Variants in KDM4C observed in about 807,000 individuals in gnomAD.
KDM4C encodes the protein lysine demethylase 4C.
A neutral mutation model predicts 129.3 loss-of-function variants in KDM4C; 81 were observed. That is an observed-to-expected ratio of 0.63 (90% confidence interval 0.52 to 0.75). The LOEUF (loss-of-function observed/expected upper bound fraction) is 0.75, where lower values mean the gene tolerates loss of function less well. Among genes scored for constraint, KDM4C ranks in the 30% least tolerant of loss-of-function variants. The pLI, the probability that KDM4C is intolerant of heterozygous loss-of-function variation, is 0.00. For synonymous variants in KDM4C, 573 were observed against 456.1 expected (o/e 1.26, Z -3.26); for missense variants, 1,457 against 1,304.0 (o/e 1.12, Z -1.81).
intron 19 of KDM4C, among the ~76,000 whole-genome samples, chr9:7,142,423 T>C (rs574236255): frequency 8.5e-5 from 13 of 152,324 alleles, no homozygotes; most frequent in African/African-American, 2.9e-4. Context: ...CTAGTTTCCC[T>C]TTCTATTCAG....
chr9:6,874,022 C>G (rs565850729), intron 5 of KDM4C, among the ~76,000 whole-genome samples: 1 of 151,964 alleles, frequency 6.6e-6, no homozygotes, highest in Non-Finnish European at 1.5e-5. Context: ...ATTATGTTCA[C>G]GCTCTTATGT....
chr9:6,956,350 C>A (rs1383928882), intron 8 of KDM4C, among the ~76,000 whole-genome samples: 1 of 152,114 alleles, frequency 6.6e-6, no homozygotes, highest in Non-Finnish European at 1.5e-5. Flanking sequence ...TATCAAAACA[C>A]CTTATGTACT....
intron 8 of KDM4C, among the ~76,000 whole-genome samples, chr9:6,953,270 T>G (rs1828504140): frequency 6.6e-6 from 1 of 152,234 alleles, no homozygotes; most frequent in African/African-American, 2.4e-5. Flanking sequence ...GTCTGTGTAT[T>G]TAATCACCAG....
At chr9:6,930,968 C>T (rs956318746) in intron 8 of KDM4C, among the ~76,000 whole-genome samples, 1 of 152,166 alleles carries the variant, frequency 6.6e-6, no homozygotes, top group African/African-American at 2.4e-5. Context: ...ATGGGATCCT[C>T]TGAGTACATG....
intron 15 of KDM4C, among the ~76,000 whole-genome samples, chr9:7,019,115 A>G (rs1224205796): frequency 6.6e-6 from 1 of 152,210 alleles, no homozygotes; most frequent in African/African-American, 2.4e-5. Context: ...AAGTTTAAAT[A>G]TTGTAGAAAA....
chr9:6,826,737 G>A lies in KDM4C; in HGVS notation c.435+11992G>A, dbSNP rs549587800. The stretch of plus-strand genomic sequence containing the variant: ...AAAAAATTAGCCAGGCATGGTGGCA[G>A]GGACCTGTAGTGCCAGCTATTGGGG... On this transcript the variant is annotated intron_variant, in intron 4 of 21. Transcript: ENST00000381309. Among the ~76,000 whole-genome samples the A allele has an allele frequency of 7.2e-5, 11 of 152,144 alleles. No individual in the cohort carries two copies. In the East Asian group the frequency reaches 1.9e-3, roughly 27 times the overall value.
chr9:7,064,932 G>C (rs993658321), intron 17 of KDM4C, among the ~76,000 whole-genome samples: 1 of 152,140 alleles, frequency 6.6e-6, no homozygotes, highest in Admixed American at 6.5e-5. Context: ...GTGAGACGAC[G>C]TAAGTTCTTG....
At chr9:6,721,178 A>T in intron 1 of KDM4C, 3 of 331,118 alleles carry the variant, frequency 9.1e-6, no homozygotes, top group Non-Finnish European at 1.1e-5. Context: ...GGCTCAGGTG[A>T]TTCTCCCACC....
chr9:6,746,875 G>C (rs961811432), intron 1 of KDM4C, among the ~76,000 whole-genome samples: 1 of 150,688 alleles, frequency 6.6e-6, no homozygotes. Flanking sequence ...GCGTGGTGGC[G>C]GGCACCTGTA....
chr9:6,993,013 G>A (rs906607767), intron 12 of KDM4C, among the ~76,000 whole-genome samples: 8 of 152,160 alleles, frequency 5.3e-5, no homozygotes, highest in Non-Finnish European at 1.5e-5. Context: ...TTAGGACAGT[G>A]CAGTGGCTCT....
At position 6,888,073 on chromosome 9, in the gene KDM4C, T is replaced by A; in HGVS notation, c.783+10T>A. 1 of 1,358,390 alleles carries A rather than the reference T, an allele frequency of 7.4e-7. No individual in the cohort carries two copies. Among genetic ancestry groups the A allele is most frequent in the Non-Finnish European group, 1.0e-6 (1 of 963,636 alleles). 84.1% of individuals were successfully genotyped at this position (1,358,390 alleles called of 1,614,324 possible). A position where few individuals can be genotyped will look rare whatever the true frequency, so the allele number is the denominator to read the frequency against. On this transcript the variant is annotated intron_variant, in intron 7 of 21. Transcript: ENST00000381309. ...TATTCCCTTTGACAAGGTATGTTAGTATTCATCTTACACAAATTAATTTTG... is the reference window on the plus strand; with the variant it reads ...TATTCCCTTTGACAAGGTATGTTAGAATTCATCTTACACAAATTAATTTTG...
chr9:7,168,156 C>G (rs939313246), intron 20 of KDM4C, among the ~76,000 whole-genome samples: 2 of 152,134 alleles, frequency 1.3e-5, no homozygotes, highest in Non-Finnish European at 2.9e-5. Flanking sequence ...CCGTTGCACT[C>G]CAGCCTAGGC....
intron 17 of KDM4C, among the ~76,000 whole-genome samples, chr9:7,089,504 T>G (rs909759808): frequency 6.6e-6 from 1 of 152,238 alleles, no homozygotes; most frequent in Non-Finnish European, 1.5e-5. Context: ...TAATAATACA[T>G]TTTAATGAGT....
At chr9:6,972,150 CAA>C (rs1832090804) in intron 8 of KDM4C, among the ~76,000 whole-genome samples, 1 of 151,878 alleles carries the variant, frequency 6.6e-6, no homozygotes, top group African/African-American at 2.4e-5. Context: ...ATAGAAAGAT[CAA>C]GAGAGTGAGA....
Position 7,081,837 on chromosome 9 carries a change from G to A in KDM4C, c.2425-21848G>A, listed in dbSNP as rs59397350. ...TAGAAGATAGACCAGGTGCTGGTAC[G>A]GAAAGGCATGTATTACCTCCGAAAT... On this transcript the variant is annotated intron_variant, in intron 17 of 21. Transcript: ENST00000381309. Among the ~76,000 whole-genome samples, 13 of 152,238 alleles carry A rather than the reference G, an allele frequency of 8.5e-5. No homozygotes were observed. The East Asian group carries it at 1.9e-3, about 23-fold the overall frequency.
intron 15 of KDM4C, among the ~76,000 whole-genome samples, chr9:7,043,333 G>A (rs1828896554): frequency 6.6e-6 from 1 of 151,986 alleles, no homozygotes; most frequent in Non-Finnish European, 1.5e-5. Flanking sequence ...GGAGGAAAAT[G>A]ATACAGGTAC....
At chr9:6,824,977 C>G (rs1290439896) in intron 4 of KDM4C, among the ~76,000 whole-genome samples, 4 of 151,946 alleles carry the variant, frequency 2.6e-5, no homozygotes, top group Admixed American at 1.3e-4. Flanking sequence ...AACCCCATCT[C>G]TACTAAAAAT....
At chr9:6,754,897 A>AAAT (rs1818191697), upstream of KDM4C, among the ~76,000 whole-genome samples, 2 of 151,196 alleles carry the variant, frequency 1.3e-5, no homozygotes, top group African/African-American at 4.9e-5. Context: ...AAAAAAAAAA[A>AAAT]AAAAAAGCAG....
chr9:7,070,418 C>T (rs763434831), intron 17 of KDM4C, among the ~76,000 whole-genome samples: 6 of 152,140 alleles, frequency 3.9e-5, no homozygotes, highest in Non-Finnish European at 7.4e-5. Context: ...TGATACTCAA[C>T]TCTTGCAAAG....
Sources: gnomAD v4.1 joint callset for allele counts (sites outside exome capture counted in the v4.1 genomes callset) on GRCh38, gnomAD v4.1.1 for gene constraint, MANE v1.5 for transcripts, NCBI Gene and HGNC (gene_info 2026-07-23, HGNC 2026-07-21) for gene names.